Variants in AK8 observed in about 807,000 individuals in gnomAD.
The protein encoded by AK8 is adenylate kinase 8, also known as ATP-AMP transphosphorylase 8.
In AK8, 44 loss-of-function variants were observed where a neutral mutation model predicts 54.6. The ratio of observed to expected loss-of-function variants is 0.81; its 90% CI spans 0.63 to 1.04. The LOEUF (loss-of-function observed/expected upper bound fraction) is 1.04, where lower values mean the gene tolerates loss of function less well. AK8 is among the 50% of genes least tolerant of loss of function. The probability of loss-of-function intolerance (pLI) is 0.00; values close to 1 mark genes in which losing one functional copy is unlikely to be tolerated. For synonymous variants in AK8, 239 were observed against 245.6 expected, an observed-to-expected ratio of 0.97 and a Z score of 0.25; for missense variants, 555 against 613.6, an observed-to-expected ratio of 0.90 and a Z score of 1.01.
At chr9:132,845,820 C>T (rs1842727093) in intron 5 of AK8, among the ~76,000 whole-genome samples, 1 of 151,020 alleles carries the variant, frequency 6.6e-6, no homozygotes, top group African/African-American at 2.4e-5. Context: ...TCACTGAGGG[C>T]ATGTTTGGGA....
intron 4 of AK8, among the ~76,000 whole-genome samples, chr9:132,857,741 G>A (rs1843230448): frequency 1.3e-5 from 2 of 152,218 alleles, no homozygotes; most frequent in Non-Finnish European, 2.9e-5. Flanking sequence ...AAAGAGCACC[G>A]GCTGAAAGGC....
intron 5 of AK8, among the ~76,000 whole-genome samples, chr9:132,836,743 C>T (rs1415524641): frequency 1.3e-5 from 2 of 152,220 alleles, no homozygotes; most frequent in African/African-American, 2.4e-5. Flanking sequence ...TGTGGATTCA[C>T]CCCAAGGTGG....
chr9:132,761,598 T>C (rs533821896), intron 11 of AK8, among the ~76,000 whole-genome samples: 1 of 152,334 alleles, frequency 6.6e-6, no homozygotes, highest in Non-Finnish European at 1.5e-5. Flanking sequence ...TAAGATTTTT[T>C]TTCCTATGAA....
intron 11 of AK8, among the ~76,000 whole-genome samples, chr9:132,784,510 T>A (rs1839610350): frequency 6.7e-6 from 1 of 148,460 alleles, no homozygotes; most frequent in Admixed American, 6.8e-5. Flanking sequence ...TGAGACTCCA[T>A]CAAGAAAGAA....
At chr9:132,776,856 C>T (rs1202023002) in intron 11 of AK8, among the ~76,000 whole-genome samples, 1 of 152,174 alleles carries the variant, frequency 6.6e-6, no homozygotes, top group African/African-American at 2.4e-5. Flanking sequence ...TACTAAGCCC[C>T]CACCAACCAC....
At chr9:132,780,701 C>G (rs1485892264) in intron 11 of AK8, among the ~76,000 whole-genome samples, 1 of 152,182 alleles carries the variant, frequency 6.6e-6, no homozygotes, top group Non-Finnish European at 1.5e-5. Flanking sequence ...ATGAGCTAAT[C>G]AGAAATCTCA....
chr9:132,823,427 A>C (rs1450840595), intron 8 of AK8, 91 bp from the exon 9 acceptor site: 2 of 1,543,768 alleles, frequency 1.3e-6, no homozygotes, highest in Non-Finnish European at 1.8e-6. Context: ...TTTTAACGGC[A>C]GTAACTCTTT....
intron 10 of AK8, among the ~76,000 whole-genome samples, chr9:132,808,464 T>C (rs904938216): frequency 6.6e-6 from 1 of 152,172 alleles, no homozygotes; most frequent in African/African-American, 2.4e-5. Context: ...TGGGGTCCTT[T>C]GCCCAGTAAA....
At chr9:132,855,239 T>G (rs1402972450) in intron 4 of AK8, among the ~76,000 whole-genome samples, 1 of 152,192 alleles carries the variant, frequency 6.6e-6, no homozygotes, top group Non-Finnish European at 1.5e-5. Context: ...CAGGAAGCCC[T>G]GCCGGATCCT....
At chr9:132,840,064 C>T (rs1010406290) in intron 5 of AK8, among the ~76,000 whole-genome samples, 5 of 152,210 alleles carry the variant, frequency 3.3e-5, no homozygotes, top group Middle Eastern at 3.4e-3. Context: ...GTGATCCACC[C>T]GCCTTGGCCT....
intron 5 of AK8, among the ~76,000 whole-genome samples, chr9:132,838,299 C>T (rs1040675649): frequency 1.5e-4 from 23 of 152,144 alleles, no homozygotes; most frequent in African/African-American, 5.1e-4. Context: ...CTTTTGGCTC[C>T]ACAGTCAAAA....
At chr9:132,774,680 C>T (rs767655551) in intron 11 of AK8, among the ~76,000 whole-genome samples, 19 of 152,146 alleles carry the variant, frequency 1.2e-4, no homozygotes, top group Non-Finnish European at 2.5e-4. Flanking sequence ...GGTCGAGCAT[C>T]GCGCCTGCCA....
At chr9:132,759,386 T>G (rs945176817) in intron 11 of AK8, among the ~76,000 whole-genome samples, 3 of 152,166 alleles carry the variant, frequency 2.0e-5, no homozygotes, top group Non-Finnish European at 4.4e-5. Context: ...CTATCCCAGA[T>G]TGAGTCTTTT....
At chr9:132,732,411 T>C (rs1211423366) in intron 11 of AK8, among the ~76,000 whole-genome samples, 1 of 152,168 alleles carries the variant, frequency 6.6e-6, no homozygotes, top group Non-Finnish European at 1.5e-5. Flanking sequence ...GATTATATCT[T>C]TCAGGATTAT....
At chr9:132,841,280 T>A (rs963511391) in intron 5 of AK8, among the ~76,000 whole-genome samples, 1 of 152,188 alleles carries the variant, frequency 6.6e-6, no homozygotes, top group Non-Finnish European at 1.5e-5. Context: ...GGTCAGCAGA[T>A]GTGAACCCGA....
At chr9:132,801,815 G>T (rs1052012896) in intron 10 of AK8, among the ~76,000 whole-genome samples, 1 of 152,206 alleles carries the variant, frequency 6.6e-6, no homozygotes, top group Admixed American at 6.5e-5. Flanking sequence ...TATGAAAGAA[G>T]TAGTCACAGT....
chr9:132,740,681 C>T (rs1837330240), intron 11 of AK8, among the ~76,000 whole-genome samples: 1 of 152,006 alleles, frequency 6.6e-6, no homozygotes, highest in South Asian at 2.1e-4. Context: ...ACCTGTGCAC[C>T]TCTGGCCTCC....
At chr9:132,834,626 T>C (rs1372845148) in intron 5 of AK8, among the ~76,000 whole-genome samples, 2 of 152,214 alleles carry the variant, frequency 1.3e-5, no homozygotes, top group East Asian at 3.8e-4. Flanking sequence ...GCCCAGGGCT[T>C]TGCCTGACCT....
Position 132,877,791 on chromosome 9 carries a change from G to A in AK8, c.84+381C>T, listed in dbSNP as rs1173317111. On this transcript the variant is annotated intron_variant, in intron 1 of 12. Transcript: ENST00000298545. ...GAGGCTCCCCACAAATTCGACAGAT[G>A]GTAATTGTCAGCGCCGGGAGAGCCC... The A allele has an allele frequency of 1.4e-5, 7 of 492,806 alleles. No homozygotes were observed. In the East Asian group the frequency reaches 1.7e-4, roughly 12 times the overall value. The allele number at this position is 492,806 out of a possible 1,614,324, so 30.5% of individuals were successfully genotyped here.
Sources: gnomAD v4.1 joint callset for allele counts (sites outside exome capture counted in the v4.1 genomes callset) on GRCh38, gnomAD v4.1.1 for gene constraint, MANE v1.5 for transcripts, NCBI Gene and HGNC (gene_info 2026-07-23, HGNC 2026-07-21) for gene names.